RAP1GAP: variants seen among roughly 807,000 people sequenced by gnomAD.
RAP1GAP encodes the protein RAP1 GTPase activating protein.
In RAP1GAP, 35 loss-of-function variants were observed where a neutral mutation model predicts 87.2. The ratio of observed to expected loss-of-function variants is 0.40; its 90% CI spans 0.31 to 0.53. The LOEUF (loss-of-function observed/expected upper bound fraction) is 0.53. Among genes scored for constraint, RAP1GAP ranks in the 20% least tolerant of loss-of-function variants. The pLI, the probability that RAP1GAP is intolerant of heterozygous loss-of-function variation, is 0.48. For synonymous variants in RAP1GAP, 375 were observed against 363.9 expected (o/e 1.03, Z -0.35); for missense variants, 734 against 898.9 (o/e 0.82, Z 2.35).
At chr1:21,649,730 C>T (rs1475895340) in intron 2 of RAP1GAP, 31 bp downstream of exon 2, 10 of 1,550,220 alleles carry the variant, frequency 6.5e-6, no homozygotes, top group African/African-American at 2.7e-5. Flanking sequence ...CCAAGGAAAC[C>T]CAGGCCCTCC....
Position 21,613,442 on chromosome 1 carries a change from C to T in RAP1GAP, c.474+186G>A, listed in dbSNP as rs914626253. On this transcript the variant is annotated intron_variant, in intron 9 of 24. Coordinates refer to ENST00000374765, the MANE Select transcript of RAP1GAP (RefSeq NM_002885.4). The surrounding 1 kb of genome is among the most constrained non-coding windows in gnomAD (Gnocchi z 4.7). ...AAACCAAAAGCACACAGGCAGGGGA[C>T]GGGGGCCTAGGAGAACACGTGGCAG... Among the ~76,000 whole-genome samples the T allele has an allele frequency of 1.3e-5, 2 of 152,036 alleles. No homozygotes were observed. Among genetic ancestry groups the T allele is most frequent in the African/African-American group, 2.4e-5 (1 of 41,396 alleles).
Position 21,608,433 on chromosome 1 carries a change from G to A in RAP1GAP, c.1159-83C>T. 8.5e-6 allele frequency: 13 copies of A among 1,529,432 alleles called. No homozygotes were observed. In the South Asian group the frequency reaches 1.3e-4, roughly 16 times the overall value. 94.7% of individuals were successfully genotyped at this position (1,529,432 alleles called of 1,614,324 possible). On this transcript the variant is annotated intron_variant, in intron 16 of 24. Transcript: ENST00000374765. ...AGTTCAAATCCTGGCCACCTTCTGAGGCACGGGCCACCTTCTCTGAATGAG... is the reference window on the plus strand; with the variant it reads ...AGTTCAAATCCTGGCCACCTTCTGAAGCACGGGCCACCTTCTCTGAATGAG...
At chr1:21,651,721 C>T (rs957623263) in intron 1 of RAP1GAP, 20 of 1,458,988 alleles carry the variant, frequency 1.4e-5, no homozygotes, top group African/African-American at 8.5e-5. Flanking sequence ...GGCTCCCCCC[C>T]ACGCGTGCAC....
chr1:21,603,009 A>G lies in RAP1GAP; in HGVS notation c.1429-96T>C, dbSNP rs1169430475. Reference sequence around the variant, plus strand: ...GGGATCCTGCTGCCCCAGGCCCTGAAGCAGAGTTGATGAGCAAGAAAGAAC... The same window carrying G: ...GGGATCCTGCTGCCCCAGGCCCTGAGGCAGAGTTGATGAGCAAGAAAGAAC... On this transcript the variant is annotated intron_variant, in intron 18 of 24. Transcript: ENST00000374765. The surrounding 1 kb of genome is among the most constrained non-coding windows in gnomAD (Gnocchi z 6.0). 1 of 843,752 alleles carries G rather than the reference A, an allele frequency of 1.2e-6. No individual in the cohort carries two copies. The highest frequency in any genetic ancestry group is 2.7e-5 in the East Asian group (1 of 37,024). The allele number at this position is 843,752 out of a possible 1,614,324, so 52.3% of individuals were successfully genotyped here. A position where few individuals can be genotyped will look rare whatever the true frequency, so the allele number is the denominator to read the frequency against.
rs2085843616 is a variant in RAP1GAP, at chr1:21,620,111, C to T, written c.-18-61G>A. 8.8e-6 allele frequency: 14 copies of T among 1,596,548 alleles called. 1 individual carries two copies. In the South Asian group the frequency reaches 1.2e-4, roughly 14 times the overall value. ...TCCCGCCAAGCCCCAGAGGAGTCTC[C>T]ACCCGCCCCGGCCCTCCGGGTCCCA... is the stretch of plus-strand genomic sequence containing the variant. On this transcript the variant is annotated intron_variant, in intron 3 of 24. Coordinates refer to ENST00000374765, the MANE Select transcript of RAP1GAP (RefSeq NM_002885.4).
chr1:21,666,815 C>G (rs1469178699), intron 1 of RAP1GAP, among the ~76,000 whole-genome samples: 1 of 152,036 alleles, frequency 6.6e-6, no homozygotes, highest in African/African-American at 2.4e-5. Flanking sequence ...CCTGCATGCG[C>G]GTGTACCATG....
chr1:21,664,742 G>C (rs829375), intron 1 of RAP1GAP, among the ~76,000 whole-genome samples: 30,884 of 99,406 alleles, frequency 0.31, 3,332 homozygotes, highest in South Asian at 0.41. Context: ...TGAAGAAAAG[G>C]CTTATTATTT....
chr1:21,609,746 T>C lies in RAP1GAP; in HGVS notation c.1000-100A>G, dbSNP rs1277002800. 13 of 852,650 alleles carry C rather than the reference T, an allele frequency of 1.5e-5. No homozygotes were observed. Among genetic ancestry groups the C allele is most frequent in the Non-Finnish European group, 2.3e-5 (13 of 567,596 alleles). 52.8% of individuals were successfully genotyped at this position (852,650 alleles called of 1,614,324 possible). On this transcript the variant is annotated intron_variant, in intron 14 of 24. Transcript: ENST00000374765. This position sits in a 1 kb window ranked among gnomAD's most constrained non-coding sequence, Gnocchi z 4.4. ...TGTGCCTCCCTGGACTGCCCCTTGG[T>C]CGGGGAGACCCAGTGACTGTGGGCT...
At chr1:21,636,241 C>T (rs906277508) in intron 2 of RAP1GAP, among the ~76,000 whole-genome samples, 4 of 152,220 alleles carry the variant, frequency 2.6e-5, no homozygotes, top group Non-Finnish European at 5.9e-5. Context: ...CTAACTCTGC[C>T]ACATAACAGC....
Position 21,613,615 on chromosome 1 carries a change from G to T in RAP1GAP, c.474+13C>A. ...GAGCCAGCCCGGGAAGCTCAGCGGA[G>T]CGGAGACCTCACCTTTGCCATCTGG... On this transcript the variant is annotated intron_variant, in intron 9 of 24. Coordinates refer to ENST00000374765, the MANE Select transcript of RAP1GAP (RefSeq NM_002885.4). This position sits in a 1 kb window ranked among gnomAD's most constrained non-coding sequence, Gnocchi z 4.7. The T allele has an allele frequency of 6.2e-7, 1 of 1,606,636 alleles. No individual in the cohort carries two copies. The highest frequency in any genetic ancestry group is 8.5e-7 in the Non-Finnish European group (1 of 1,173,286).
At chr1:21,661,514 T>A (rs1168993279) in intron 1 of RAP1GAP, among the ~76,000 whole-genome samples, 1 of 152,262 alleles carries the variant, frequency 6.6e-6, no homozygotes, top group African/African-American at 2.4e-5. Flanking sequence ...GGGTTTGGAA[T>A]CACATGGACC....
Position 21,609,563 on chromosome 1 carries a change from G to T in RAP1GAP, c.1071+12C>A. On this transcript the variant is annotated intron_variant, in intron 15 of 24. Coordinates refer to ENST00000374765, the MANE Select transcript of RAP1GAP (RefSeq NM_002885.4). The surrounding 1 kb of genome is among the most constrained non-coding windows in gnomAD (Gnocchi z 4.4). The stretch of plus-strand genomic sequence containing the variant: ...GTCCTGCTCTGCCCATGACTGGGGG[G>T]GTGCCCCTCACCTTCCTGAACACAG... 6.7e-7 allele frequency: 1 copy of T among 1,489,954 alleles called. No homozygotes were observed. Among genetic ancestry groups the T allele is most frequent in the Non-Finnish European group, 9.1e-7 (1 of 1,101,664 alleles). 92.3% of individuals were successfully genotyped at this position (1,489,954 alleles called of 1,614,324 possible).
chr1:21,663,696 C>T (rs1475561838), intron 1 of RAP1GAP, among the ~76,000 whole-genome samples: 1 of 152,140 alleles, frequency 6.6e-6, no homozygotes, highest in Non-Finnish European at 1.5e-5. Flanking sequence ...GTTCAGGAGC[C>T]AAGCAGAGGG....
chr1:21,659,163 C>A (rs1410799377), intron 1 of RAP1GAP, among the ~76,000 whole-genome samples: 13 of 151,994 alleles, frequency 8.6e-5, no homozygotes, highest in Admixed American at 8.5e-4. Context: ...CCTTAGCCTC[C>A]CAAAGTGTTG....
chr1:21,648,357 A>C (rs928858552), intron 2 of RAP1GAP, among the ~76,000 whole-genome samples: 1 of 151,646 alleles, frequency 6.6e-6, no homozygotes, highest in Non-Finnish European at 1.5e-5. Flanking sequence ...CTTCGTTCAG[A>C]CCCTCCCTGT....
In RAP1GAP at chr1:21,622,571, G is replaced by T. The variant is rs1405731036; in HGVS notation, c.-18-2521C>A. 1 of 146,682 alleles carries T rather than the reference G, an allele frequency of 6.8e-6. No homozygotes were observed. Among genetic ancestry groups the T allele is most frequent in the South Asian group, 2.0e-4 (1 of 4,896 alleles). The allele number at this position is 146,682 out of a possible 1,614,324, so 9.1% of individuals were successfully genotyped here. On this transcript the variant is annotated intron_variant, in intron 3 of 24. Transcript: ENST00000374765. The surrounding 1 kb of genome is among the most constrained non-coding windows in gnomAD (Gnocchi z 5.7). The stretch of plus-strand genomic sequence containing the variant: ...GCCTGCGATGGGCTCGCCCCACGGC[G>T]GGGCCCGGAGGGGGCGGGGCGCCAG...
rs548002837 is a variant in RAP1GAP at position 21,619,084 on chromosome 1, G to A, written c.19-12C>T. ...TCCATCCTGCTTCCCTGTAAGAGAA[G>A]GCAGCACTGTTACACCCTCCCAGGC... On this transcript the variant is annotated splice_polypyrimidine_tract_variant and intron_variant, in intron 4 of 24. Coordinates refer to ENST00000374765, the MANE Select transcript of RAP1GAP (RefSeq NM_002885.4). 1.9e-6 allele frequency: 3 copies of A among 1,593,960 alleles called. No individual in the cohort carries two copies. The African/African-American group carries it at 4.0e-5, about 21-fold the overall frequency.
At chr1:21,655,398 A>G (rs2096821886) in intron 1 of RAP1GAP, among the ~76,000 whole-genome samples, 1 of 152,224 alleles carries the variant, frequency 6.6e-6, no homozygotes, top group African/African-American at 2.4e-5. Context: ...ACACACACAC[A>G]GAGGCAGTGT....
chr1:21,619,557 T>C (rs2085212753), intron 4 of RAP1GAP, among the ~76,000 whole-genome samples: 1 of 151,852 alleles, frequency 6.6e-6, no homozygotes, highest in African/African-American at 2.4e-5. Flanking sequence ...CTCCCATGCA[T>C]ACCTATGTGA....
Sources: allele counts gnomAD v4.1 joint callset (sites outside exome capture counted in the v4.1 genomes callset), GRCh38; gene constraint gnomAD v4.1.1; non-coding constraint Gnocchi (gnomAD v3.1); transcripts MANE v1.5; gene names NCBI Gene and HGNC (gene_info 2026-07-23, HGNC 2026-07-21).